PPP4R1: variants seen among roughly 807,000 people sequenced by gnomAD.
PPP4R1 encodes the protein serine/threonine-protein phosphatase 4 regulatory subunit 1.
In PPP4R1, 42 loss-of-function variants were observed where a neutral mutation model predicts 111.2. That is an observed-to-expected ratio of 0.38 (90% confidence interval 0.29 to 0.49). PPP4R1 has a LOEUF of 0.49. Among genes scored for constraint, PPP4R1 ranks in the 20% least tolerant of loss-of-function variants. PPP4R1 has a pLI of 0.97. For synonymous variants in PPP4R1, 409 were observed against 405.5 expected (o/e 1.01, Z -0.10); for missense variants, 1,012 against 1,161.6 (o/e 0.87, Z 1.87).
In PPP4R1 at chr18:9,583,195, T is replaced by C. The variant is rs1217350838; in HGVS notation, c.840A>G (p.Ser280=). 3 of 1,612,032 alleles carry C rather than the reference T, an allele frequency of 1.9e-6. No homozygotes were observed. The South Asian group carries it at 3.3e-5, about 18-fold the overall frequency. The change falls in exon 9 of 20, where the codon TCA becomes TCG. Residue 280 remains serine, a synonymous_variant. Transcript: ENST00000400556. ...GTCGGATTTCTTGACATGTTGCACA[T>C]GAAACCGCCATGAAGCATTCAGCAC... ...KACAECFMAV[S]CATCQEIRRT...
chr18:9,600,529 A>C (rs1456039170), intron 2 of PPP4R1, among the ~76,000 whole-genome samples: 1 of 152,212 alleles, frequency 6.6e-6, no homozygotes, highest in East Asian at 1.9e-4. Flanking sequence ...AATTTCAACC[A>C]TTAGGTTGAA....
chr18:9,575,533 C>T (rs937547220), intron 10 of PPP4R1, among the ~76,000 whole-genome samples: 4 of 152,148 alleles, frequency 2.6e-5, no homozygotes, highest in Non-Finnish European at 5.9e-5. Context: ...TTAATAAGCT[C>T]TAATATTACT....
rs1180555117 is a variant in PPP4R1 at position 9,589,139 on chromosome 18, C to T, written c.296-286G>A. ...AAATTTATTCATCACCTACACTGTGCCACACTGTGCTAGGGGTTAAATATC... is the reference window on the plus strand; with the variant it reads ...AAATTTATTCATCACCTACACTGTGTCACACTGTGCTAGGGGTTAAATATC... On this transcript the variant is annotated intron_variant, in intron 4 of 19. Coordinates refer to ENST00000400556, the MANE Select transcript of PPP4R1 (RefSeq NM_001042388.3). Among the ~76,000 whole-genome samples, 6 of 152,276 alleles carry T rather than the reference C, an allele frequency of 3.9e-5. No individual in the cohort carries two copies. The East Asian group carries it at 1.2e-3, about 29-fold the overall frequency.
chr18:9,611,350 C>A (rs973298459), intron 2 of PPP4R1, among the ~76,000 whole-genome samples: 5 of 152,078 alleles, frequency 3.3e-5, no homozygotes, highest in Non-Finnish European at 7.4e-5. Flanking sequence ...GTTATAAGGG[C>A]AGCCCAAGCT....
In PPP4R1 at chr18:9,559,500, G is replaced by A; in HGVS notation, c.1947C>T (p.Leu649=). 7.4e-6 allele frequency: 12 copies of A among 1,613,972 alleles called. No individual in the cohort carries two copies. Among genetic ancestry groups the A allele is most frequent in the Non-Finnish European group, 1.0e-5 (12 of 1,179,924 alleles). Residue 649 remains leucine (L), a synonymous_variant, in exon 14 of 20, where the codon CTC becomes CTT. Coordinates refer to ENST00000400556, the MANE Select transcript of PPP4R1 (RefSeq NM_001042388.3). ...TTCCGAGTGTCAAGGCCACACCAGG[G>A]AGGCTATATGCACAGTGCTTAGCAA... ...TEIAKHCAYS[L]PGVALTLGRQ... is the part of the protein sequence containing the mutation.
chr18:9,580,004 G>A (rs1447276558), intron 9 of PPP4R1, among the ~76,000 whole-genome samples: 23 of 152,044 alleles, frequency 1.5e-4, no homozygotes, highest in Admixed American at 1.4e-3. Flanking sequence ...CCAAAACAAC[G>A]ACCAAATACA....
chr18:9,551,779 C>G (rs1220672882), intron 16 of PPP4R1: 2 of 152,248 alleles, frequency 1.3e-5, no homozygotes, highest in African/African-American at 4.8e-5. Context: ...AGACCAAGCA[C>G]AGATAGGAGG....
intron 2 of PPP4R1, among the ~76,000 whole-genome samples, chr18:9,597,535 C>A (rs778085499): frequency 6.6e-6 from 1 of 152,140 alleles, no homozygotes; most frequent in Non-Finnish European, 1.5e-5. Flanking sequence ...CTGAAACGAT[C>A]AAGTGAACGA....
intron 14 of PPP4R1, among the ~76,000 whole-genome samples, chr18:9,558,635 T>C (rs1383881156): frequency 6.6e-6 from 1 of 150,804 alleles, no homozygotes; most frequent in Non-Finnish European, 1.5e-5. Flanking sequence ...CCTTGAAAAA[T>C]ACAATTACTA....
At chr18:9,549,992 AAAG>A in intron 18 of PPP4R1, 57 bp downstream of exon 18, 1 of 1,606,182 alleles carries the variant, frequency 6.2e-7, no homozygotes, top group Non-Finnish European at 8.5e-7. Flanking sequence ...GTAGGAAGTT[AAAG>A]AAGACATTCT....
chr18:9,616,813 A>C (rs575016941), upstream of PPP4R1, among the ~76,000 whole-genome samples: 56 of 152,332 alleles, frequency 3.7e-4, 1 homozygote, highest in South Asian at 0.011. Context: ...GTTTTATCTC[A>C]GTATTCTGTG....
At chr18:9,602,319 C>T in intron 2 of PPP4R1, among the ~76,000 whole-genome samples, 1 of 130,668 alleles carries the variant, frequency 7.7e-6, no homozygotes, top group Non-Finnish European at 1.5e-5. Flanking sequence ...ATCATGAGGT[C>T]AGGAGATTGA....
chr18:9,589,676 A>C (rs1325302983), intron 4 of PPP4R1: 2 of 152,276 alleles, frequency 1.3e-5, no homozygotes, highest in Non-Finnish European at 2.9e-5. Context: ...AGGCGGGCAG[A>C]TCACTTGAGG....
chr18:9,593,349 AGCTT>A (rs2067242237), intron 4 of PPP4R1, among the ~76,000 whole-genome samples: 2 of 152,168 alleles, frequency 1.3e-5, no homozygotes, highest in Non-Finnish European at 2.9e-5. Flanking sequence ...GAGATAAACC[AGCTT>A]TAGTTTTACA....
intron 13 of PPP4R1, among the ~76,000 whole-genome samples, chr18:9,560,115 AC>A (rs1407791063): frequency 2.6e-5 from 4 of 152,074 alleles, no homozygotes. Flanking sequence ...CCCCGTCTCT[AC>A]AAAAAATTAA....
At chr18:9,549,880 A>AG in intron 18 of PPP4R1, 172 bp downstream of exon 18, 1 of 946,558 alleles carries the variant, frequency 1.1e-6, no homozygotes, top group Non-Finnish European at 1.5e-6. Context: ...GCTGGGAGAG[A>AG]GGGGCCACCA....
rs748337371 is a variant in PPP4R1, at chr18:9,550,349, A to G, written c.2341T>C (p.Tyr781His). 6 of 1,609,194 alleles carry G rather than the reference A, an allele frequency of 3.7e-6. No homozygotes were observed. Among genetic ancestry groups the G allele is most frequent in the Admixed American group, 1.7e-5 (1 of 60,010 alleles). Residue 781 changes from tyrosine (Y) to histidine (H), a missense_variant, in exon 17 of 20, where the codon TAT (tyrosine) becomes CAT (histidine). Tyr to His is a moderately conservative substitution (Grantham distance 83, BLOSUM62 2). Transcript: ENST00000400556. ...AGATTCAGAGCAATGGGACGTAAAT[A>G]GTCATAAACATCTCTGGGACTATAT... ...ELYSPRDVYDYLRPIALNLCA... is the reference protein window; with the variant it reads ...ELYSPRDVYDHLRPIALNLCA...
At chr18:9,606,637 GAAT>G (rs1456339476) in intron 2 of PPP4R1, among the ~76,000 whole-genome samples, 3 of 151,922 alleles carry the variant, frequency 2.0e-5, no homozygotes, top group Non-Finnish European at 4.4e-5. Flanking sequence ...TTTAAGGCAA[GAAT>G]AATTTGCTGA....
At chr18:9,557,463 T>C (rs563857717) in intron 14 of PPP4R1, 81 bp from the exon 15 acceptor site, 2 of 1,265,102 alleles carry the variant, frequency 1.6e-6, no homozygotes, top group East Asian at 5.3e-5. Context: ...AAAGGCTAAT[T>C]TATATATGAA....
Sources: gnomAD v4.1 joint callset for allele counts (sites outside exome capture counted in the v4.1 genomes callset) on GRCh38, gnomAD v4.1.1 for gene constraint, MANE v1.5 for transcripts, NCBI Gene and HGNC (gene_info 2026-07-23, HGNC 2026-07-21) for gene names.